SPAG17: variants seen among roughly 807,000 people sequenced by gnomAD.
SPAG17 encodes sperm-associated antigen 17.
SPAG17 carries 169 observed loss-of-function variants against 273.6 expected under a neutral mutation model. The observed-to-expected ratio is 0.62, with a 90% confidence interval of 0.55 to 0.70. The LOEUF is 0.70. SPAG17 is among the 30% of genes least tolerant of loss of function. SPAG17 has a pLI of 0.00. For missense variants in SPAG17, 2,557 were observed against 2,627.8 expected, an observed-to-expected ratio of 0.97 and a Z score of 0.59; for synonymous variants, 825 against 873.2, an observed-to-expected ratio of 0.94 and a Z score of 0.97.
At chr1:118,171,862 G>A (rs895620718) in intron 1 of SPAG17, among the ~76,000 whole-genome samples, 3 of 152,134 alleles carry the variant, frequency 2.0e-5, no homozygotes, top group African/African-American at 7.2e-5. Context: ...GAATGGAATA[G>A]TGAGAAAATA....
chr1:118,065,793 A>C (rs1652902470), intron 18 of SPAG17, among the ~76,000 whole-genome samples: 2 of 152,116 alleles, frequency 1.3e-5, no homozygotes, highest in Admixed American at 6.5e-5. Context: ...TAGTTTTTTT[A>C]ACTTAATAAG....
At chr1:118,014,400 G>A (rs1659764261) in intron 29 of SPAG17, among the ~76,000 whole-genome samples, 1 of 152,128 alleles carries the variant, frequency 6.6e-6, no homozygotes, top group Admixed American at 6.6e-5. Flanking sequence ...ACAAAGAAAT[G>A]TTAATCAAAC....
At chr1:118,057,985 A>T (rs1651881421) in intron 18 of SPAG17, among the ~76,000 whole-genome samples, 1 of 152,074 alleles carries the variant, frequency 6.6e-6, no homozygotes, top group South Asian at 2.1e-4. Flanking sequence ...ACACACTCAG[A>T]ATAAACTTAG....
Position 117,971,952 on chromosome 1 carries a change from G to C in SPAG17, c.6237C>G (p.Leu2079=). Residue 2079 remains leucine (L), a synonymous_variant, in exon 45 of 49, where the codon CTC becomes CTG. Transcript: ENST00000336338. ...GCACTCCAAACTTGACTGATGATGG[G>C]AGAAGATGGAACCCAAAAAGGGATG... ...AKSSLFGFHL[L]PSSVKFGVLK... The C allele has an allele frequency of 6.2e-7, 1 of 1,614,108 alleles. No individual in the cohort carries two copies.
Position 118,039,412 on chromosome 1 carries a change from C to A in SPAG17, c.3199G>T (p.Asp1067Tyr). The A allele has an allele frequency of 6.2e-7, 1 of 1,613,406 alleles. No individual in the cohort carries two copies. The stretch of plus-strand genomic sequence containing the variant: ...AAATGAATCATAAAATTGTGGTTGT[C>A]CTTTACCACTCTCACTTTGATAAAA... ...PTFIKVRVVK[D>Y]NHNFMIHLND... The change falls in exon 23 of 49, where the codon GAC becomes TAC. Residue 1067 changes from aspartate to tyrosine, a missense_variant. Coordinates refer to ENST00000336338, the MANE Select transcript of SPAG17 (RefSeq NM_206996.4).
Position 118,015,946 on chromosome 1 carries a change from A to G in SPAG17, c.4287+19T>C. The G allele has an allele frequency of 6.2e-7, 1 of 1,611,006 alleles. No individual in the cohort carries two copies. Among genetic ancestry groups the G allele is most frequent in the Non-Finnish European group, 8.5e-7 (1 of 1,177,636 alleles). On this transcript the variant is annotated intron_variant, in intron 29 of 48. Transcript: ENST00000336338. ...CTAATGACTTAGAAAATTTTGCAAT[A>G]AACAATAGTTTGTCATACCGTTCCA...
At chr1:118,093,592 A>G (rs1404770421) in intron 7 of SPAG17, among the ~76,000 whole-genome samples, 1 of 152,214 alleles carries the variant, frequency 6.6e-6, no homozygotes, top group East Asian at 1.9e-4. Flanking sequence ...CAACTAAAAG[A>G]AATATAACTG....
chr1:118,080,984 A>T, intron 15 of SPAG17, 117 bp downstream of exon 15: 1 of 811,908 alleles, frequency 1.2e-6, no homozygotes, highest in Non-Finnish European at 2.0e-6. Flanking sequence ...AAGAAAGTTT[A>T]ATTAACCAAA....
At chr1:118,061,472 AG>A (rs1331659881) in intron 18 of SPAG17, among the ~76,000 whole-genome samples, 3 of 152,232 alleles carry the variant, frequency 2.0e-5, no homozygotes, top group Non-Finnish European at 4.4e-5. Context: ...CCACTTATAC[AG>A]GTTATCTAAA....
chr1:118,021,765 G>C (rs1660519160), intron 28 of SPAG17, among the ~76,000 whole-genome samples: 1 of 152,088 alleles, frequency 6.6e-6, no homozygotes, highest in Non-Finnish European at 1.5e-5. Context: ...AAATCTGGGG[G>C]ACACTGTGCT....
intron 10 of SPAG17, among the ~76,000 whole-genome samples, chr1:118,091,250 C>CT (rs1402544789): frequency 1.3e-5 from 2 of 152,120 alleles, no homozygotes. Context: ...CTAGTTAAAT[C>CT]TACAAGCATG....
intron 1 of SPAG17, among the ~76,000 whole-genome samples, chr1:118,152,801 T>C (rs1469049260): frequency 1.3e-5 from 2 of 152,226 alleles, no homozygotes; most frequent in African/African-American, 2.4e-5. Context: ...ATATGATATG[T>C]ATAATGTGTA....
At chr1:118,130,105 C>T (rs956994757) in intron 3 of SPAG17, among the ~76,000 whole-genome samples, 5 of 152,146 alleles carry the variant, frequency 3.3e-5, no homozygotes, top group Admixed American at 2.0e-4. Flanking sequence ...CTTGAATTTC[C>T]TTGTCCTCCC....
rs892254094 is a variant in SPAG17 at position 118,055,757 on chromosome 1, T to A, written c.2698A>T (p.Ile900Phe). The change falls in exon 19 of 49, where the codon ATT (isoleucine) becomes TTT (phenylalanine). Residue 900 changes from isoleucine to phenylalanine, a missense_variant. Coordinates refer to ENST00000336338, the MANE Select transcript of SPAG17 (RefSeq NM_206996.4). ...ANAKLTSASK[I>F]FSIKESKSNK... ...CTTTTAGATTCTTTAATGGAAAAAA[T>A]TTTGCTAGCAGAAGTAAGTTTGGCA... 8 of 1,611,906 alleles carry A rather than the reference T, an allele frequency of 5.0e-6. No homozygotes were observed. In the African/African-American group the frequency reaches 6.7e-5, roughly 13 times the overall value.
chr1:118,101,986 A>G, intron 4 of SPAG17, 60 bp from the exon 5 acceptor site: 3 of 1,371,792 alleles, frequency 2.2e-6, no homozygotes, highest in Non-Finnish European at 2.0e-6. Context: ...TGGCTTTTCT[A>G]CTGCCAGGTG....
At chr1:118,040,886 C>CA (rs1313704737) in intron 21 of SPAG17, 45 bp from the exon 22 acceptor site, 2 of 1,292,318 alleles carry the variant, frequency 1.5e-6, no homozygotes, top group Non-Finnish European at 2.3e-6. Flanking sequence ...CTGCAATAGA[C>CA]AAAAAATCAA....
intron 1 of SPAG17, among the ~76,000 whole-genome samples, chr1:118,183,716 C>T (rs1661051864): frequency 6.6e-6 from 1 of 152,124 alleles, no homozygotes; most frequent in South Asian, 2.1e-4. Context: ...AACACTAAAG[C>T]TAATGCAGTG....
At chr1:118,084,990 G>A (rs554707333) in intron 13 of SPAG17, among the ~76,000 whole-genome samples, 27 of 152,236 alleles carry the variant, frequency 1.8e-4, no homozygotes, top group African/African-American at 6.0e-4. Flanking sequence ...GTTATAAATA[G>A]TGTGCTCAGA....
At chr1:117,960,102 A>G (rs17037771) in intron 48 of SPAG17, 4,908 of 140,670 alleles carry the variant, frequency 0.035, 267 homozygotes, top group African/African-American at 0.12. Context: ...TGAGGAATTA[A>G]TACACTCGTG....
Sources: gnomAD v4.1 joint callset for allele counts (sites outside exome capture counted in the v4.1 genomes callset) on GRCh38, gnomAD v4.1.1 for gene constraint, MANE v1.5 for transcripts, NCBI Gene and HGNC (gene_info 2026-07-23, HGNC 2026-07-21) for gene names.